Variants in PIK3R3 observed in about 807,000 individuals in gnomAD.
PIK3R3 encodes the protein phosphatidylinositol 3-kinase regulatory subunit gamma.
Under a neutral mutation model 62.9 loss-of-function variants are expected in PIK3R3, and 64 were observed. That is an observed-to-expected ratio of 1.02 (90% CI 0.83 to 1.25). PIK3R3 has a LOEUF of 1.25. Ranked by LOEUF, PIK3R3 falls within the 50% of genes most tolerant of loss-of-function variation. The probability of loss-of-function intolerance (pLI) is 0.00; values close to 1 mark genes in which losing one functional copy is unlikely to be tolerated. For synonymous variants in PIK3R3, 165 were observed against 189.0 expected (o/e 0.87, Z 1.04); for missense variants, 614 against 561.6 (o/e 1.09, Z -0.94).
At chr1:46,090,333 TTTA>T (rs1372788592) in intron 1 of PIK3R3, among the ~76,000 whole-genome samples, 61 of 151,882 alleles carry the variant, frequency 4.0e-4, no homozygotes, top group Admixed American at 1.6e-3. Context: ...TATTTATTTA[TTTA>T]TTTATTTATT....
intron 1 of PIK3R3, among the ~76,000 whole-genome samples, chr1:46,109,776 C>T (rs1353795929): frequency 6.6e-6 from 1 of 152,152 alleles, no homozygotes; most frequent in African/African-American, 2.4e-5. Flanking sequence ...GCTACCACGC[C>T]CGACCAATCT....
chr1:46,134,600 G>A (rs990379724), upstream of PIK3R3: 1 of 152,182 alleles, frequency 6.6e-6, no homozygotes, highest in Non-Finnish European at 1.5e-5. Context: ...CAGCATATCT[G>A]GGAGCCAGAA....
chr1:46,157,934 G>A, the PIK3R3 span, among the ~76,000 whole-genome samples: 2 of 152,212 alleles, frequency 1.3e-5, no homozygotes, highest in African/African-American at 4.8e-5. Context: ...AGAGTTAACA[G>A]CACATTTTTA....
chr1:46,123,199 A>C (rs1654828200), intron 1 of PIK3R3, among the ~76,000 whole-genome samples: 1 of 152,226 alleles, frequency 6.6e-6, no homozygotes, highest in African/African-American at 2.4e-5. Flanking sequence ...TTCCAAGTCA[A>C]AATAACAGAG....
intron 1 of PIK3R3, among the ~76,000 whole-genome samples, chr1:46,102,146 C>T (rs1209829809): frequency 7.9e-5 from 12 of 151,882 alleles, no homozygotes; most frequent in Middle Eastern, 3.4e-3. Flanking sequence ...CCACCTCGCC[C>T]GGCTAATTTT....
At chr1:46,107,461 G>T (rs551339018) in intron 1 of PIK3R3, among the ~76,000 whole-genome samples, 1 of 150,880 alleles carries the variant, frequency 6.6e-6, no homozygotes, top group African/African-American at 2.4e-5. Context: ...AATATGGAAA[G>T]GAATAAATCA....
rs1647877912 is a variant in PIK3R3, at chr1:46,056,071, G to T, written c.765-100C>A. On this transcript the variant is annotated intron_variant, in intron 6 of 9. Coordinates refer to ENST00000262741, the MANE Select transcript of PIK3R3 (RefSeq NM_003629.4). ...AATATCCTTTTTTTTTTTCCCTTGA[G>T]ATTGAGTCTCGCTCTGTCACCCAGG... 6.9e-6 allele frequency: 5 copies of T among 724,058 alleles called. No homozygotes were observed. In the South Asian group the frequency reaches 1.0e-4, roughly 15 times the overall value. 44.9% of individuals were successfully genotyped at this position (724,058 alleles called of 1,614,324 possible).
chr1:46,115,957 C>T (rs942661148), intron 1 of PIK3R3, among the ~76,000 whole-genome samples: 4 of 151,940 alleles, frequency 2.6e-5, no homozygotes, highest in South Asian at 2.1e-4. Context: ...ACAAAAGAAA[C>T]GCAAAAATAA....
intron 2 of PIK3R3, among the ~76,000 whole-genome samples, chr1:46,078,063 T>G (rs981136755): frequency 1.3e-5 from 2 of 152,208 alleles, no homozygotes; most frequent in Non-Finnish European, 2.9e-5. Context: ...TAGTTTGAAT[T>G]TGTCCCGATA....
At chr1:46,076,855 T>A (rs1650113508) in intron 3 of PIK3R3, among the ~76,000 whole-genome samples, 1 of 152,202 alleles carries the variant, frequency 6.6e-6, no homozygotes. Flanking sequence ...AAGGCCTTAG[T>A]ACAAGAAAGT....
rs189386544 is a variant in PIK3R3, at chr1:46,125,112, A to T, written c.106+6735T>A. Among the ~76,000 whole-genome samples the T allele has an allele frequency of 2.3e-3, 343 of 152,266 alleles. 1 individual carries two copies. The highest frequency in any genetic ancestry group is 2.1e-3 in the Non-Finnish European group (142 of 68,024). ...GAGACTTTGTCTCAAAAAAAATTTT[A>T]AAAATTAAAATTAAAATTAAAAAAG... On this transcript the variant is annotated intron_variant, in intron 1 of 9. Transcript: ENST00000262741.
chr1:46,077,780 A>C (rs373858597), intron 2 of PIK3R3, among the ~76,000 whole-genome samples, 167 bp from the exon 3 acceptor site: 2 of 152,212 alleles, frequency 1.3e-5, no homozygotes, highest in African/African-American at 4.8e-5. Flanking sequence ...TCCCTGCATT[A>C]AATATGCTCT....
chr1:46,053,902 A>T (rs1647614758), intron 7 of PIK3R3, among the ~76,000 whole-genome samples: 2 of 152,054 alleles, frequency 1.3e-5, no homozygotes, highest in African/African-American at 2.4e-5. Flanking sequence ...TGTGACCAGA[A>T]CCACGTGAGC....
intron 1 of PIK3R3, among the ~76,000 whole-genome samples, chr1:46,095,319 T>C (rs1191514053): frequency 6.6e-6 from 1 of 152,174 alleles, no homozygotes; most frequent in African/African-American, 2.4e-5. Flanking sequence ...AACAAGATAA[T>C]GTCCTTTGCA....
chr1:46,132,753 GCCC>G (rs1571590972), upstream of PIK3R3: 1 of 1,283,814 alleles, frequency 7.8e-7, no homozygotes, highest in Non-Finnish European at 1.0e-6. Context: ...CATCACCACC[GCCC>G]CTTCCACGCC....
the PIK3R3 span, among the ~76,000 whole-genome samples, chr1:46,139,804 C>A: frequency 1.3e-5 from 2 of 152,184 alleles, no homozygotes; most frequent in African/African-American, 4.8e-5. Context: ...TGACTCTGTT[C>A]CCTAAATACA....
chr1:46,141,411 C>G, the PIK3R3 span, among the ~76,000 whole-genome samples: 1 of 152,014 alleles, frequency 6.6e-6, no homozygotes, highest in Non-Finnish European at 1.5e-5. Flanking sequence ...GCTGGGATTA[C>G]AGGCGCCCAC....
chr1:46,069,191 T>C (rs1023121711), intron 3 of PIK3R3, among the ~76,000 whole-genome samples: 1 of 152,172 alleles, frequency 6.6e-6, no homozygotes, highest in South Asian at 2.1e-4. Flanking sequence ...AAGAATGGAA[T>C]TGTCATTTAT....
chr1:46,088,396 G>A (rs1324317072), intron 1 of PIK3R3, among the ~76,000 whole-genome samples: 1 of 151,434 alleles, frequency 6.6e-6, no homozygotes, highest in Non-Finnish European at 1.5e-5. Flanking sequence ...GAATTAAAGG[G>A]AAAAAAAACT....
Sources: gnomAD v4.1 joint callset for allele counts (sites outside exome capture counted in the v4.1 genomes callset) on GRCh38, gnomAD v4.1.1 for gene constraint, MANE v1.5 for transcripts, NCBI Gene and HGNC (gene_info 2026-07-23, HGNC 2026-07-21) for gene names.